PLCG2: variants seen among roughly 807,000 people sequenced by gnomAD.
PLCG2 encodes phospholipase C gamma 2.
PLCG2 carries 69 observed loss-of-function variants against 175.6 expected under a neutral mutation model. That is an observed-to-expected ratio of 0.39 (90% confidence interval 0.32 to 0.48). PLCG2 has a LOEUF of 0.48. Ranked by LOEUF, PLCG2 falls within the 20% of genes least tolerant of loss-of-function variation. PLCG2 has a pLI of 0.91. For synonymous variants in PLCG2, 827 were observed against 624.0 expected (o/e 1.33, Z -4.85); for missense variants, 1,798 against 1,650.9 (o/e 1.09, Z -1.54).
intron 7 of PLCG2, among the ~76,000 whole-genome samples, chr16:81,875,759 A>T (rs1290173549): frequency 2.0e-5 from 3 of 152,328 alleles, no homozygotes; most frequent in East Asian, 3.9e-4. Flanking sequence ...AGCACTTGCA[A>T]AAAATCAAAA....
intron 21 of PLCG2, among the ~76,000 whole-genome samples, chr16:81,922,382 TA>T (rs1267254266): frequency 6.6e-6 from 1 of 152,218 alleles, no homozygotes; most frequent in Non-Finnish European, 1.5e-5. Flanking sequence ...TATAACTACT[TA>T]CCTGTTATGG....
chr16:81,889,540 G>A, intron 10 of PLCG2: 1 of 307,040 alleles, frequency 3.3e-6, no homozygotes, highest in Non-Finnish European at 6.0e-6. Context: ...TTGCAATAGG[G>A]AAAGAGCTTA....
chr16:81,957,908 C>G, intron 32 of PLCG2, 48 bp from the exon 33 acceptor site: 1 of 1,534,176 alleles, frequency 6.5e-7, no homozygotes, highest in Non-Finnish European at 9.0e-7. Context: ...CAGCACGCAG[C>G]CCATTTCTCA....
At chr16:81,798,923 A>G (rs575126853) in intron 2 of PLCG2, 1 of 152,294 alleles carries the variant, frequency 6.6e-6, no homozygotes, top group East Asian at 1.9e-4. Flanking sequence ...ACTACCAGCC[A>G]CTCCAGGATG....
intron 1 of PLCG2, among the ~76,000 whole-genome samples, chr16:81,744,737 A>G (rs1257526637): frequency 6.6e-6 from 1 of 151,716 alleles, no homozygotes; most frequent in Non-Finnish European, 1.5e-5. Context: ...ATACCCAGCT[A>G]ATTTTTTTTT....
At chr16:81,934,337 G>A in intron 25 of PLCG2, 92 bp from the exon 26 acceptor site, 1 of 756,172 alleles carries the variant, frequency 1.3e-6, no homozygotes, top group Non-Finnish European at 2.3e-6. Context: ...GTGCAAGAAA[G>A]CAAAGTGGGG....
intron 2 of PLCG2, among the ~76,000 whole-genome samples, chr16:81,788,165 C>T (rs1387457924): frequency 6.6e-6 from 1 of 152,102 alleles, no homozygotes; most frequent in African/African-American, 2.4e-5. Context: ...GTGGCTGCAC[C>T]ATTTATATTC....
rs151138793 is a variant in PLCG2 at position 81,801,555 on chromosome 16, A to G, written c.193+15373A>G. Among the ~76,000 whole-genome samples, 121 of 152,324 alleles carry G rather than the reference A, an allele frequency of 7.9e-4. 2 individuals are homozygous for G. Among genetic ancestry groups the G allele is most frequent in the African/African-American group, 2.8e-3 (118 of 41,582 alleles). On this transcript the variant is annotated intron_variant, in intron 2 of 32. Coordinates refer to ENST00000564138, the MANE Select transcript of PLCG2 (RefSeq NM_002661.5). ...ATGCTGGACATTTAGGTTGTTTCCAATCATGATACTCCCGATTCCAGCAAA... is the reference window on the plus strand; with the variant it reads ...ATGCTGGACATTTAGGTTGTTTCCAGTCATGATACTCCCGATTCCAGCAAA...
At chr16:81,875,995 G>T (rs889900107) in intron 7 of PLCG2, among the ~76,000 whole-genome samples, 18 of 148,774 alleles carry the variant, frequency 1.2e-4, no homozygotes, top group African/African-American at 4.4e-4. Context: ...TAGAATCTCT[G>T]GTTAGCTTTT....
intron 2 of PLCG2, among the ~76,000 whole-genome samples, chr16:81,835,317 C>A (rs574534202): frequency 6.6e-6 from 1 of 152,224 alleles, no homozygotes; most frequent in Admixed American, 6.5e-5. Flanking sequence ...TGAAGATGGC[C>A]GGGTGTGGTG....
rs141860914 is a variant in PLCG2 at position 81,958,985 on chromosome 16, C to T, written c.*987C>T. The stretch of plus-strand genomic sequence containing the variant: ...TACAGAAAATTTCAAATGCAGCCAT[C>T]TCCCTTGGGGCAGATCTACCTAGTT... On this transcript the variant is annotated 3_prime_UTR_variant, in exon 33 of 33. Coordinates refer to ENST00000564138, the MANE Select transcript of PLCG2 (RefSeq NM_002661.5). The T allele has an allele frequency of 1.1e-3, 249 of 223,908 alleles. 3 individuals carry two copies. The highest frequency in any genetic ancestry group is 5.4e-3 in the African/African-American group (242 of 44,936). 13.9% of individuals were successfully genotyped at this position (223,908 alleles called of 1,614,324 possible).
intron 31 of PLCG2, among the ~76,000 whole-genome samples, chr16:81,950,962 A>T (rs1911342724): frequency 1.3e-5 from 2 of 152,242 alleles, no homozygotes; most frequent in South Asian, 4.1e-4. Flanking sequence ...AAGGATAAAA[A>T]GAATAAAACA....
At chr16:81,912,403 T>A (rs946119391) in intron 18 of PLCG2, among the ~76,000 whole-genome samples, 194 bp from the exon 19 acceptor site, 2 of 152,150 alleles carry the variant, frequency 1.3e-5, no homozygotes, top group Non-Finnish European at 2.9e-5. Context: ...ACCCCTGGGG[T>A]CTTCCACTAT....
chr16:81,787,616 T>C (rs973603826), intron 2 of PLCG2, among the ~76,000 whole-genome samples: 1 of 151,746 alleles, frequency 6.6e-6, no homozygotes, highest in South Asian at 2.1e-4. Flanking sequence ...ATGCAGCATG[T>C]ATAGTGTGGT....
intron 25 of PLCG2, among the ~76,000 whole-genome samples, chr16:81,933,284 G>C (rs1012451937): frequency 2.0e-5 from 3 of 152,236 alleles, no homozygotes; most frequent in African/African-American, 7.2e-5. Context: ...ACTGGGCACA[G>C]CTACCCCTTT....
chr16:81,774,079 C>A (rs1462462674), intron 2 of PLCG2, among the ~76,000 whole-genome samples: 1 of 149,934 alleles, frequency 6.7e-6, no homozygotes, highest in Non-Finnish European at 1.5e-5. Flanking sequence ...TGCCTGTAAT[C>A]CTAGCACTTT....
intron 1 of PLCG2, among the ~76,000 whole-genome samples, chr16:81,744,340 T>A (rs983991702): frequency 2.0e-5 from 3 of 151,712 alleles, no homozygotes; most frequent in Non-Finnish European, 4.4e-5. Flanking sequence ...AATTTTTGTA[T>A]TTTTAGTAGA....
chr16:81,913,474 A>G (rs1909717598), intron 19 of PLCG2, among the ~76,000 whole-genome samples: 1 of 152,210 alleles, frequency 6.6e-6, no homozygotes, highest in African/African-American at 2.4e-5. Context: ...ACACAGCCTC[A>G]TAGTCAACTG....
chr16:81,839,017 A>T (rs543755149), intron 2 of PLCG2, among the ~76,000 whole-genome samples: 11 of 152,224 alleles, frequency 7.2e-5, no homozygotes, highest in African/African-American at 2.6e-4. Context: ...TATGACTCAC[A>T]GAACCAAGCC....
Sources: gnomAD v4.1 joint callset for allele counts (sites outside exome capture counted in the v4.1 genomes callset) on GRCh38, gnomAD v4.1.1 for gene constraint, MANE v1.5 for transcripts, NCBI Gene and HGNC (gene_info 2026-07-23, HGNC 2026-07-21) for gene names.